RAB8B: variants seen among roughly 807,000 people sequenced by gnomAD.
The protein encoded by RAB8B is RAB8B, member RAS oncogene family.
A neutral mutation model predicts 32.0 loss-of-function variants in RAB8B; 11 were observed. The ratio of observed to expected loss-of-function variants is 0.34; its 90% CI spans 0.22 to 0.57. The LOEUF is 0.57. Among genes scored for constraint, RAB8B ranks in the 20% least tolerant of loss-of-function variants. The pLI is 0.86. For synonymous variants in RAB8B, 103 were observed against 89.6 expected (o/e 1.15, Z -0.85); for missense variants, 190 against 258.5 (o/e 0.73, Z 1.82).
chr15:63,249,757 TG>T, intron 3 of RAB8B, 52 bp downstream of exon 3: 1 of 1,541,368 alleles, frequency 6.5e-7, no homozygotes, highest in Non-Finnish European at 8.9e-7. Flanking sequence ...AAAGCATGAA[TG>T]TTTGTTTGCC....
chr15:63,207,568 GT>G (rs893926317), intron 1 of RAB8B, among the ~76,000 whole-genome samples: 1 of 148,868 alleles, frequency 6.7e-6, no homozygotes, highest in South Asian at 2.1e-4. Context: ...TTGTTTTTTT[GT>G]TTTTTTTTGG....
chr15:63,218,890 C>G (rs2037815960), intron 1 of RAB8B, among the ~76,000 whole-genome samples: 1 of 151,612 alleles, frequency 6.6e-6, no homozygotes, highest in Non-Finnish European at 1.5e-5. Flanking sequence ...AACACTTTAG[C>G]CTCTTAAGTT....
chr15:63,242,908 T>C (rs1404824023), intron 1 of RAB8B, among the ~76,000 whole-genome samples: 1 of 152,154 alleles, frequency 6.6e-6, no homozygotes, highest in Admixed American at 6.5e-5. Flanking sequence ...TTCAAGCACA[T>C]TACATTTATT....
chr15:63,194,200 A>G (rs60120861), intron 1 of RAB8B, among the ~76,000 whole-genome samples: 6,300 of 149,928 alleles, frequency 0.042, 218 homozygotes, highest in East Asian at 0.18. Flanking sequence ...TTTTATAAAT[A>G]AAAAAAAAAT....
chr15:63,209,801 G>GC (rs2037732592), intron 1 of RAB8B, among the ~76,000 whole-genome samples: 1 of 151,542 alleles, frequency 6.6e-6, no homozygotes, highest in Non-Finnish European at 1.5e-5. Flanking sequence ...TGCAGAATGT[G>GC]CAGGTTTGTT....
intron 5 of RAB8B, among the ~76,000 whole-genome samples, chr15:63,257,492 C>T (rs1479194232): frequency 1.3e-5 from 2 of 152,052 alleles, no homozygotes; most frequent in Non-Finnish European, 2.9e-5. Context: ...CTCTTGAACT[C>T]CCGGCCTCAA....
chr15:63,258,699 A>G (rs1183812853), intron 5 of RAB8B, among the ~76,000 whole-genome samples: 2 of 152,160 alleles, frequency 1.3e-5, no homozygotes, highest in African/African-American at 4.8e-5. Context: ...CCCTCTAGAA[A>G]TTTCCCATGG....
At chr15:63,226,845 G>GC (rs1247245769) in intron 1 of RAB8B, among the ~76,000 whole-genome samples, 3 of 152,160 alleles carry the variant, frequency 2.0e-5, no homozygotes, top group Non-Finnish European at 4.4e-5. Flanking sequence ...CATAGACAGA[G>GC]CTGCCCCAAG....
In RAB8B at chr15:63,263,923, T is replaced by C; in HGVS notation, c.*304T>C. On this transcript the variant is annotated 3_prime_UTR_variant, in exon 8 of 8. Transcript: ENST00000321437. ...TCTTTTTTACTTTGCACATCAGTGT[T>C]AGCCTTTCCCTATTTCAGCACAATC... 3.9e-6 allele frequency: 1 copy of C among 258,186 alleles called. No homozygotes were observed. The highest frequency in any genetic ancestry group is 7.5e-6 in the Non-Finnish European group (1 of 133,592). 16.0% of individuals were successfully genotyped at this position (258,186 alleles called of 1,614,324 possible). A position where few individuals can be genotyped will look rare whatever the true frequency, so the allele number is the denominator to read the frequency against.
intron 1 of RAB8B, among the ~76,000 whole-genome samples, chr15:63,207,404 T>C (rs1054516027): frequency 6.6e-6 from 1 of 152,168 alleles, no homozygotes; most frequent in Non-Finnish European, 1.5e-5. Flanking sequence ...CTCAGACTCC[T>C]CTGTGTGCAT....
At chr15:63,200,033 C>G (rs1256183485) in intron 1 of RAB8B, among the ~76,000 whole-genome samples, 1 of 152,196 alleles carries the variant, frequency 6.6e-6, no homozygotes, top group Non-Finnish European at 1.5e-5. Flanking sequence ...TTGAATTATT[C>G]ATGGCACAAA....
intron 2 of RAB8B, among the ~76,000 whole-genome samples, chr15:63,246,783 AGCCCGCTT>A (rs899160529): frequency 6.6e-6 from 1 of 152,216 alleles, no homozygotes; most frequent in African/African-American, 2.4e-5. Flanking sequence ...TGAAAGTTCC[AGCCCGCTT>A]ATCACTTGGT....
chr15:63,245,758 T>C (rs1157949255), intron 2 of RAB8B, among the ~76,000 whole-genome samples: 1 of 152,256 alleles, frequency 6.6e-6, no homozygotes, highest in Non-Finnish European at 1.5e-5. Context: ...TTGGAATATG[T>C]GCATATACAT....
At chr15:63,229,393 A>G (rs1339668363) in intron 1 of RAB8B, among the ~76,000 whole-genome samples, 2 of 152,224 alleles carry the variant, frequency 1.3e-5, no homozygotes, top group East Asian at 3.8e-4. Flanking sequence ...TGACTGCCTG[A>G]TGATGACCTG....
chr15:63,217,977 G>A (rs902353574), intron 1 of RAB8B, among the ~76,000 whole-genome samples: 3 of 152,184 alleles, frequency 2.0e-5, no homozygotes, highest in African/African-American at 4.8e-5. Context: ...CAAACTAAGC[G>A]AAGCTGCCAT....
chr15:63,219,295 C>CA (rs552403928), intron 1 of RAB8B, among the ~76,000 whole-genome samples: 1,064 of 88,734 alleles, frequency 0.012, 4 homozygotes, highest in South Asian at 0.027. Flanking sequence ...AGACTCCCAT[C>CA]AAAAAAAAAA....
At chr15:63,260,807 CT>C (rs1169399076) in intron 6 of RAB8B, among the ~76,000 whole-genome samples, 1 of 151,948 alleles carries the variant, frequency 6.6e-6, no homozygotes, top group East Asian at 1.9e-4. Flanking sequence ...ACATGTAATT[CT>C]TTTAATAATA....
At chr15:63,204,835 T>C (rs1473877906) in intron 1 of RAB8B, among the ~76,000 whole-genome samples, 3 of 152,336 alleles carry the variant, frequency 2.0e-5, no homozygotes, top group South Asian at 4.1e-4. Context: ...GCATAAAGTG[T>C]GATTTCCTCC....
At chr15:63,249,811 A>T (rs960793602) in intron 3 of RAB8B, 106 bp downstream of exon 3, 6 of 1,203,968 alleles carry the variant, frequency 5.0e-6, no homozygotes, top group Non-Finnish European at 7.0e-6. Flanking sequence ...GTAGAAAAAT[A>T]AATTTTCTGA....
Sources: allele counts gnomAD v4.1 joint callset (sites outside exome capture counted in the v4.1 genomes callset), GRCh38; gene constraint gnomAD v4.1.1; transcripts MANE v1.5; gene names NCBI Gene and HGNC (gene_info 2026-07-23, HGNC 2026-07-21).